The following GINS4 variants were observed in gnomAD, a reference collection of about 807,000 sequenced individuals.
GINS4 encodes the protein DNA replication complex GINS protein SLD5.
GINS4 carries 20 observed loss-of-function variants against 31.1 expected under a neutral mutation model. The ratio of observed to expected loss-of-function variants is 0.64; its 90% confidence interval spans 0.45 to 0.93. The LOEUF (loss-of-function observed/expected upper bound fraction) is 0.93, where lower values mean the gene tolerates loss of function less well. GINS4 is among the 40% of genes least tolerant of loss of function. GINS4 has a pLI of 0.00. For synonymous variants in GINS4, 85 were observed against 97.9 expected (o/e 0.87, Z 0.78); for missense variants, 245 against 273.9 (o/e 0.89, Z 0.75).
intron 2 of GINS4, among the ~76,000 whole-genome samples, chr8:41,531,595 T>G (rs1320798479): frequency 1.3e-5 from 2 of 152,230 alleles, no homozygotes; most frequent in East Asian, 1.9e-4. Flanking sequence ...ATTCTTAATC[T>G]GTTTTTATAT....
rs147518257 is a variant in GINS4 at position 41,531,655 on chromosome 8, A to G, written c.96+1357A>G. 4.6e-4 allele frequency among the ~76,000 whole-genome samples: 70 copies of G among 152,322 alleles called. 1 individual carries two copies. Among genetic ancestry groups the G allele is most frequent in the African/African-American group, 1.5e-3 (64 of 41,566 alleles). On this transcript the variant is annotated intron_variant, in intron 2 of 7. Coordinates refer to ENST00000276533, the MANE Select transcript of GINS4 (RefSeq NM_032336.3). Reference sequence around the variant, plus strand: ...AGAAACTGTGGTCTTTCATCCCACAATAACGCACACATGCACCCATGCAGA... The same window carrying G: ...AGAAACTGTGGTCTTTCATCCCACAGTAACGCACACATGCACCCATGCAGA...
intron 2 of GINS4, among the ~76,000 whole-genome samples, chr8:41,532,745 A>C (rs936482489): frequency 6.6e-6 from 1 of 151,260 alleles, no homozygotes; most frequent in East Asian, 1.9e-4. Context: ...AGGCAGGAGA[A>C]TCTCTTGAAC....
chr8:41,544,316 C>G lies in GINS4; in HGVS notation c.*2229C>G, dbSNP rs1806896060. 6.6e-6 allele frequency: 1 copy of G among 152,218 alleles called. No individual in the cohort carries two copies. The highest frequency in any genetic ancestry group is 1.5e-5 in the Non-Finnish European group (1 of 68,048). 9.4% of individuals were successfully genotyped at this position (152,218 alleles called of 1,614,324 possible). On this transcript the variant is annotated 3_prime_UTR_variant, in exon 8 of 8. Transcript: ENST00000276533. ...TTAATAAGGATCCCATTTGGTCCCCCACAGTCCTGAGAAGCGGGCAGGGCT... is the reference window on the plus strand; with the variant it reads ...TTAATAAGGATCCCATTTGGTCCCCGACAGTCCTGAGAAGCGGGCAGGGCT...
intron 6 of GINS4, among the ~76,000 whole-genome samples, 173 bp downstream of exon 6, chr8:41,540,177 G>T (rs1268304073): frequency 6.6e-6 from 1 of 152,248 alleles, no homozygotes; most frequent in Non-Finnish European, 1.5e-5. Context: ...AGATCCAATG[G>T]TAGGCATTTG....
At chr8:41,534,881 C>T (rs147086484) in intron 2 of GINS4, among the ~76,000 whole-genome samples, 8 of 152,094 alleles carry the variant, frequency 5.3e-5, no homozygotes, top group African/African-American at 1.4e-4. Flanking sequence ...AGGCGTGCCA[C>T]GCCCGGCTAA....
At position 41,539,709 on chromosome 8, in the gene GINS4, A is replaced by C. The variant is rs199761157; in HGVS notation, c.329A>C (p.Lys110Thr). Residue 110 changes from lysine to threonine, a missense_variant, in exon 5 of 8, where the codon AAG becomes ACG. Coordinates refer to ENST00000276533, the MANE Select transcript of GINS4 (RefSeq NM_032336.3). ...AAGTTTTTCCCTCATGTCCTTGAGAAGGAAAAAACACGTCCTGAGGGGGAG... is the reference window on the plus strand; with the variant it reads ...AAGTTTTTCCCTCATGTCCTTGAGACGGAAAAAACACGTCCTGAGGGGGAG... ...IEKFFPHVLE[K>T]EKTRPEGEPS... 1 of 1,614,102 alleles carries C rather than the reference A, an allele frequency of 6.2e-7. No individual in the cohort carries two copies. The highest frequency in any genetic ancestry group is 2.2e-5 in the East Asian group (1 of 44,888).
chr8:41,542,851 G>A lies in GINS4; in HGVS notation c.*764G>A, dbSNP rs1057506561. Reference sequence around the variant, plus strand: ...TGTGTTGCTGCATGTCCTGTCTGCTGTTTTAGCCCGTGTCAGTAGATGGGG... The same window carrying A: ...TGTGTTGCTGCATGTCCTGTCTGCTATTTTAGCCCGTGTCAGTAGATGGGG... On this transcript the variant is annotated 3_prime_UTR_variant, in exon 8 of 8. Transcript: ENST00000276533. The A allele has an allele frequency of 1.3e-4, 20 of 152,320 alleles. No individual in the cohort carries two copies. The highest frequency in any genetic ancestry group is 4.6e-4 in the African/African-American group (19 of 41,470). 9.4% of individuals were successfully genotyped at this position (152,320 alleles called of 1,614,324 possible). A position where few individuals can be genotyped will look rare whatever the true frequency, so the allele number is the denominator to read the frequency against.
At position 41,530,314 on chromosome 8, in the gene GINS4, C is replaced by G. The variant is rs776597611; in HGVS notation, c.96+16C>G. The G allele has an allele frequency of 3.2e-6, 5 of 1,577,162 alleles. No homozygotes were observed. Among genetic ancestry groups the G allele is most frequent in the South Asian group, 1.1e-5 (1 of 89,274 alleles). The stretch of plus-strand genomic sequence containing the variant: ...ATTGGAGCAGGTAAGCATCCCAGAT[C>G]GAATCCCTTTGCTCCAGTCAGCCTT... On this transcript the variant is annotated intron_variant, in intron 2 of 7. Transcript: ENST00000276533.
rs1314690970 is a variant in GINS4 at position 41,535,231 on chromosome 8, G to A, written c.97-1129G>A. ...CACATGCCTGTAATTCCAGCTACTCGGAAGGCTGAGGCAGGAGAATCACTT... is the reference window on the plus strand; with the variant it reads ...CACATGCCTGTAATTCCAGCTACTCAGAAGGCTGAGGCAGGAGAATCACTT... On this transcript the variant is annotated intron_variant, in intron 2 of 7. Coordinates refer to ENST00000276533, the MANE Select transcript of GINS4 (RefSeq NM_032336.3). Among the ~76,000 whole-genome samples the A allele has an allele frequency of 5.3e-5, 8 of 152,148 alleles. No homozygotes were observed. In the South Asian group the frequency reaches 6.2e-4, roughly 12 times the overall value.
intron 2 of GINS4, among the ~76,000 whole-genome samples, chr8:41,532,832 CAA>C (rs369894142): frequency 5.8e-4 from 39 of 67,774 alleles, no homozygotes; most frequent in South Asian, 3.5e-3. Flanking sequence ...GACTCCATCT[CAA>C]AAAAAAAAAA....
intron 2 of GINS4, among the ~76,000 whole-genome samples, 170 bp downstream of exon 2, chr8:41,530,468 A>G (rs568002927): frequency 6.6e-6 from 1 of 152,350 alleles, no homozygotes; most frequent in Admixed American, 6.5e-5. Flanking sequence ...ATCCTCTGTT[A>G]GAGACCTCAT....
rs1806875748 is a variant in GINS4, at chr8:41,543,282, T to G, written c.*1195T>G. On this transcript the variant is annotated 3_prime_UTR_variant, in exon 8 of 8. Coordinates refer to ENST00000276533, the MANE Select transcript of GINS4 (RefSeq NM_032336.3). ...TCTGGACGGCTCCCGGCTTGTAGTT[T>G]AATGAAGTATGTGCTCCCTGCTGTT... 6.6e-6 allele frequency: 1 copy of G among 152,248 alleles called. No individual in the cohort carries two copies. The highest frequency in any genetic ancestry group is 6.5e-5 in the Admixed American group (1 of 15,274). 9.4% of individuals were successfully genotyped at this position (152,248 alleles called of 1,614,324 possible). A position where few individuals can be genotyped will look rare whatever the true frequency, so the allele number is the denominator to read the frequency against.
intron 1 of GINS4, chr8:41,529,958 C>CGCCGTATCATT: frequency 8.6e-6 from 4 of 463,690 alleles, no homozygotes; most frequent in Admixed American, 3.8e-5. Context: ...TCTTGGTGGA[C>CGCCGTATCATT]AGAAGTAAGG....
chr8:41,539,660 T>A lies in GINS4; in HGVS notation c.298-18T>A. The A allele has an allele frequency of 6.4e-7, 1 of 1,554,178 alleles. No homozygotes were observed. Among genetic ancestry groups the A allele is most frequent in the Non-Finnish European group, 8.9e-7 (1 of 1,127,000 alleles). On this transcript the variant is annotated intron_variant, in intron 4 of 7. Coordinates refer to ENST00000276533, the MANE Select transcript of GINS4 (RefSeq NM_032336.3). ...CTTTTGCCAATGTTTTCATGAAGAT[T>A]TTGCTTTATCCTCACAGATAGAGAA...
At chr8:41,535,930 T>C (rs1324565489) in intron 2 of GINS4, among the ~76,000 whole-genome samples, 3 of 152,190 alleles carry the variant, frequency 2.0e-5, no homozygotes, top group African/African-American at 7.2e-5. Flanking sequence ...TGAAAAATAT[T>C]TGTGAAGTGC....
intron 6 of GINS4, among the ~76,000 whole-genome samples, chr8:41,540,687 T>A (rs571857036): frequency 2.6e-5 from 4 of 152,316 alleles, no homozygotes; most frequent in Admixed American, 6.5e-5. Context: ...TGTTTCACAG[T>A]GCGCCAGATC....
rs1242836801 is a variant in GINS4 at position 41,530,226 on chromosome 8, G to C, written c.24G>C (p.Leu8=). MTEEVDF[L]GQDSDGGSEE... is the part of the protein sequence containing the mutation. Reference sequence around the variant, plus strand: ...AGATGACCGAAGAAGTGGATTTCCTGGGACAGGACTCTGATGGGGGTAGTG... The same window carrying C: ...AGATGACCGAAGAAGTGGATTTCCTCGGACAGGACTCTGATGGGGGTAGTG... Residue 8 remains leucine, a synonymous_variant, in exon 2 of 8, where the codon CTG becomes CTC. Coordinates refer to ENST00000276533, the MANE Select transcript of GINS4 (RefSeq NM_032336.3). 1.2e-6 allele frequency: 2 copies of C among 1,613,834 alleles called. No homozygotes were observed. Among genetic ancestry groups the C allele is most frequent in the East Asian group, 2.2e-5 (1 of 44,866 alleles).
At chr8:41,534,820 C>T (rs1806714653) in intron 2 of GINS4, among the ~76,000 whole-genome samples, 1 of 151,738 alleles carries the variant, frequency 6.6e-6, no homozygotes, top group African/African-American at 2.4e-5. Flanking sequence ...GCAACCTCTG[C>T]CTCCCAGGTT....
chr8:41,537,105 T>A (rs961849610), intron 3 of GINS4, 75 bp from the exon 4 acceptor site: 7 of 860,310 alleles, frequency 8.1e-6, no homozygotes, highest in South Asian at 1.4e-5. Flanking sequence ...TGAAACATAG[T>A]CTGGGTCCTC....
Sources: gnomAD v4.1 joint callset for allele counts (sites outside exome capture counted in the v4.1 genomes callset) on GRCh38, gnomAD v4.1.1 for gene constraint, MANE v1.5 for transcripts, NCBI Gene and HGNC (gene_info 2026-07-23, HGNC 2026-07-21) for gene names.